Variants in KCNH1 observed in about 807,000 individuals in gnomAD.
KCNH1 encodes potassium voltage-gated channel subfamily H member 1.
KCNH1 carries 27 observed loss-of-function variants against 69.2 expected under a neutral mutation model. The observed-to-expected ratio is 0.39, with a 90% confidence interval of 0.29 to 0.54. KCNH1 has a LOEUF of 0.54. Among genes scored for constraint, KCNH1 ranks in the 20% least tolerant of loss-of-function variants. The probability of loss-of-function intolerance (pLI) is 0.68; values close to 1 mark genes in which losing one functional copy is unlikely to be tolerated. For synonymous variants in KCNH1, 456 were observed against 487.7 expected (o/e 0.93, Z 0.86); for missense variants, 798 against 1,261.6 (o/e 0.63, Z 5.57).
intron 7 of KCNH1, among the ~76,000 whole-genome samples, chr1:210,895,294 G>T (rs1686841457): frequency 6.6e-6 from 1 of 151,634 alleles, no homozygotes; most frequent in Non-Finnish European, 1.5e-5. Context: ...TTAACAGTAA[G>T]GTCTGTGCTT....
intron 6 of KCNH1, among the ~76,000 whole-genome samples, chr1:210,972,983 C>T (rs1410140047): frequency 6.6e-6 from 1 of 151,298 alleles, no homozygotes; most frequent in Non-Finnish European, 1.5e-5. Context: ...CACTCTTCTA[C>T]CCTTTGTCAT....
intron 5 of KCNH1, among the ~76,000 whole-genome samples, chr1:211,034,160 A>T (rs1266199930): frequency 6.6e-6 from 1 of 152,218 alleles, no homozygotes; most frequent in Admixed American, 6.5e-5. Context: ...TTTACTCATA[A>T]TTGGCCAAAA....
intron 5 of KCNH1, among the ~76,000 whole-genome samples, chr1:211,077,577 C>T (rs189440520): frequency 6.6e-5 from 10 of 152,214 alleles, no homozygotes; most frequent in African/African-American, 2.4e-4. Context: ...TTGTCACCAC[C>T]AGGCCTGCCC....
At chr1:210,793,065 C>T (rs570285738) in intron 9 of KCNH1, among the ~76,000 whole-genome samples, 68 of 152,202 alleles carry the variant, frequency 4.5e-4, no homozygotes, top group African/African-American at 9.9e-4. Flanking sequence ...GAATAAAATG[C>T]ACATGTGAAA....
intron 7 of KCNH1, chr1:210,860,298 C>G (rs1685949775): frequency 7.4e-7 from 1 of 1,360,438 alleles, no homozygotes; most frequent in Admixed American, 1.7e-5. Context: ...GTTGACATGT[C>G]AGGCTATGCG....
At chr1:210,856,805 A>ATT (rs1685850208) in intron 7 of KCNH1, among the ~76,000 whole-genome samples, 1 of 134,468 alleles carries the variant, frequency 7.4e-6, no homozygotes, top group Non-Finnish European at 1.6e-5. Flanking sequence ...TTATATTTAT[A>ATT]TATATATTAT....
At chr1:210,837,527 G>T (rs748241998) in intron 7 of KCNH1, among the ~76,000 whole-genome samples, 1 of 152,096 alleles carries the variant, frequency 6.6e-6, no homozygotes. Flanking sequence ...ATCCATAAAC[G>T]TAAAGGGGAA....
At chr1:210,761,326 A>AGACTAGTCAACTAGTTGTTGGC (rs1683516920) in intron 10 of KCNH1, among the ~76,000 whole-genome samples, 1 of 150,906 alleles carries the variant, frequency 6.6e-6, no homozygotes, top group Non-Finnish European at 1.5e-5. Flanking sequence ...GACAGAATTG[A>AGACTAGTCAACTAGTTGTTGGC]GACTAGTCAA....
intron 7 of KCNH1, among the ~76,000 whole-genome samples, chr1:210,854,140 G>A: frequency 6.6e-6 from 1 of 151,944 alleles, no homozygotes; most frequent in East Asian, 1.9e-4. Flanking sequence ...TAGAGAAAAG[G>A]AGCCTTTTTA....
chr1:210,910,359 A>G (rs1687206446), intron 7 of KCNH1, among the ~76,000 whole-genome samples: 1 of 152,132 alleles, frequency 6.6e-6, no homozygotes, highest in Non-Finnish European at 1.5e-5. Context: ...GTAAACAGTC[A>G]GAGGTGGTCA....
intron 7 of KCNH1, among the ~76,000 whole-genome samples, chr1:210,899,706 T>C (rs1686954628): frequency 6.6e-6 from 1 of 152,236 alleles, no homozygotes; most frequent in African/African-American, 2.4e-5. Context: ...AGGTGGTTTA[T>C]ATTTGTGACT....
chr1:211,070,827 A>C (rs1690629485), intron 5 of KCNH1, among the ~76,000 whole-genome samples: 1 of 150,700 alleles, frequency 6.6e-6, no homozygotes, highest in South Asian at 2.1e-4. Context: ...ATCTCAAAAA[A>C]AAAAAAATTA....
chr1:210,903,334 A>C (rs1182370862), intron 7 of KCNH1, among the ~76,000 whole-genome samples: 1 of 152,174 alleles, frequency 6.6e-6, no homozygotes, highest in African/African-American at 2.4e-5. Flanking sequence ...AGCATCTATC[A>C]GCCCTAAATT....
chr1:211,030,529 G>A lies in KCNH1; in HGVS notation c.559-11273C>T, dbSNP rs537411406. 7.2e-5 allele frequency among the ~76,000 whole-genome samples: 11 copies of A among 152,214 alleles called. No individual in the cohort carries two copies. The South Asian group carries it at 1.5e-3, about 20-fold the overall frequency. ...AGGAAAGACAGCCTTTTTAACAAAC[G>A]GCATGGGAACAAGTGGACATCAATA... On this transcript the variant is annotated intron_variant, in intron 5 of 10. Coordinates refer to ENST00000271751, the MANE Select transcript of KCNH1 (RefSeq NM_172362.3).
At chr1:210,956,175 C>T (rs557570106) in intron 6 of KCNH1, among the ~76,000 whole-genome samples, 75 of 152,120 alleles carry the variant, frequency 4.9e-4, no homozygotes, top group African/African-American at 1.7e-3. Context: ...TGGTTTATGT[C>T]GTTGGTTCTG....
At chr1:211,061,390 T>C (rs1305268934) in intron 5 of KCNH1, among the ~76,000 whole-genome samples, 1 of 152,172 alleles carries the variant, frequency 6.6e-6, no homozygotes, top group Admixed American at 6.6e-5. Flanking sequence ...GCCTTTTTTC[T>C]AAAATCTGGA....
chr1:210,803,834 G>C, intron 8 of KCNH1, 133 bp downstream of exon 8: 1 of 722,296 alleles, frequency 1.4e-6, no homozygotes. Flanking sequence ...CTGGAGGTAG[G>C]ACCTGGAATC....
chr1:210,696,258 G>A (rs1015620824), intron 10 of KCNH1, among the ~76,000 whole-genome samples: 2 of 152,124 alleles, frequency 1.3e-5, no homozygotes, highest in African/African-American at 4.8e-5. Flanking sequence ...ACTCACCAAA[G>A]CTAGGGCCCC....
intron 6 of KCNH1, among the ~76,000 whole-genome samples, chr1:210,960,420 A>G (rs1688271303): frequency 6.6e-6 from 1 of 152,166 alleles, no homozygotes; most frequent in Admixed American, 6.5e-5. Flanking sequence ...CCCATCCTTC[A>G]GCATGCTCTC....
Sources: gnomAD v4.1 joint callset for allele counts (sites outside exome capture counted in the v4.1 genomes callset) on GRCh38, gnomAD v4.1.1 for gene constraint, MANE v1.5 for transcripts, NCBI Gene and HGNC (gene_info 2026-07-23, HGNC 2026-07-21) for gene names.